STIM2: variants seen among roughly 807,000 people sequenced by gnomAD.
The protein encoded by STIM2 is stromal interaction molecule 2.
STIM2 carries 31 observed loss-of-function variants against 85.8 expected under a neutral mutation model. The ratio of observed to expected loss-of-function variants is 0.36; its 90% CI spans 0.27 to 0.49. The LOEUF (loss-of-function observed/expected upper bound fraction) is 0.49, where lower values mean the gene tolerates loss of function less well. Ranked by LOEUF, STIM2 falls within the 20% of genes least tolerant of loss-of-function variation. The pLI is 0.98. For missense variants in STIM2, 841 were observed against 927.6 expected, an observed-to-expected ratio of 0.91 and a Z score of 1.21; for synonymous variants, 356 against 331.1, an observed-to-expected ratio of 1.08 and a Z score of -0.82.
intron 3 of STIM2, among the ~76,000 whole-genome samples, chr4:26,993,940 C>T (rs947305639): frequency 2.0e-5 from 3 of 151,864 alleles, no homozygotes; most frequent in African/African-American, 7.3e-5. Context: ...ATGTTAGAAC[C>T]TCGTAAGTTT....
intron 1 of STIM2, among the ~76,000 whole-genome samples, chr4:26,906,203 C>G (rs1419549445): frequency 2.0e-5 from 3 of 152,102 alleles, no homozygotes; most frequent in Non-Finnish European, 4.4e-5. Flanking sequence ...TATGTTCTCA[C>G]TTATAAGCGG....
chr4:26,966,054 A>G (rs992659912), intron 3 of STIM2, among the ~76,000 whole-genome samples: 2 of 152,094 alleles, frequency 1.3e-5, no homozygotes, highest in East Asian at 1.9e-4. Context: ...ATGGTTTTCT[A>G]TACACCTGAA....
At chr4:26,924,273 G>T in intron 2 of STIM2, among the ~76,000 whole-genome samples, 1 of 18,612 alleles carries the variant, frequency 5.4e-5, no homozygotes, top group Non-Finnish European at 8.1e-5. Flanking sequence ...CCACATAGTT[G>T]GAAGTAAAGC....
chr4:26,976,725 A>G (rs1475272961), intron 3 of STIM2, among the ~76,000 whole-genome samples: 1 of 151,916 alleles, frequency 6.6e-6, no homozygotes, highest in Non-Finnish European at 1.5e-5. Context: ...GATTGTTTCA[A>G]CCTGGGATGC....
intron 7 of STIM2, among the ~76,000 whole-genome samples, chr4:27,006,923 A>G (rs899807440): frequency 6.6e-6 from 1 of 152,236 alleles, no homozygotes; most frequent in African/African-American, 2.4e-5. Context: ...AACAGACAAT[A>G]ATAGGCAGAT....
intron 3 of STIM2, among the ~76,000 whole-genome samples, chr4:26,966,384 A>G (rs1382946830): frequency 1.3e-5 from 2 of 152,178 alleles, no homozygotes; most frequent in Admixed American, 6.5e-5. Flanking sequence ...TCACTATATT[A>G]TATTCTACTT....
At position 27,023,105 on chromosome 4, in the gene STIM2, G is replaced by A; in HGVS notation, c.*109G>A. 1 of 1,094,812 alleles carries A rather than the reference G, an allele frequency of 9.1e-7. No homozygotes were observed. Among genetic ancestry groups the A allele is most frequent in the East Asian group, 2.4e-5 (1 of 42,422 alleles). 67.8% of individuals were successfully genotyped at this position (1,094,812 alleles called of 1,614,324 possible). ...TTAATTTTAGGAATGTAACTCCATT[G>A]GGGCTTTCCAGGCCGGATGCCATAG... On this transcript the variant is annotated 3_prime_UTR_variant, in exon 12 of 12. Coordinates refer to ENST00000467087, the MANE Select transcript of STIM2 (RefSeq NM_020860.4).
intron 10 of STIM2, among the ~76,000 whole-genome samples, chr4:27,009,523 C>T (rs1728491537): frequency 6.6e-6 from 1 of 152,172 alleles, no homozygotes; most frequent in South Asian, 2.1e-4. Context: ...GGATTTGAAT[C>T]CTAGCTCTAC....
chr4:26,972,370 T>A (rs1726989382), intron 3 of STIM2, among the ~76,000 whole-genome samples: 1 of 152,194 alleles, frequency 6.6e-6, no homozygotes, highest in African/African-American at 2.4e-5. Context: ...TGATACTGGC[T>A]GTGGGTTTGT....
intron 1 of STIM2, among the ~76,000 whole-genome samples, chr4:26,877,663 T>C (rs967825315): frequency 2.0e-5 from 3 of 152,160 alleles, no homozygotes; most frequent in Non-Finnish European, 4.4e-5. Context: ...TATGGCTCTG[T>C]TGTTACTACC....
intron 2 of STIM2, among the ~76,000 whole-genome samples, chr4:26,935,369 G>A (rs1361614075): frequency 1.3e-5 from 2 of 152,118 alleles, no homozygotes; most frequent in Admixed American, 1.3e-4. Context: ...AATGAGATAG[G>A]CACTCTATAC....
rs191032393 is a variant in STIM2 at position 26,935,407 on chromosome 4, A to G, written c.282+15773A>G. Among the ~76,000 whole-genome samples the G allele has an allele frequency of 2.8e-3, 420 of 152,334 alleles. 1 individual carries two copies. Among genetic ancestry groups the G allele is most frequent in the African/African-American group, 9.7e-3 (405 of 41,572 alleles). ...CTTTTAGAAGCAAGATATTAAATAG[A>G]AAAAGGTTAGGGCCACCCTAATACT... On this transcript the variant is annotated intron_variant, in intron 2 of 11. Transcript: ENST00000467087.
chr4:27,022,463 G>T lies in STIM2; in HGVS notation c.1764-56G>T, dbSNP rs575499683. On this transcript the variant is annotated intron_variant, in intron 11 of 11. Transcript: ENST00000467087. ...GTTGTTTTAGTTAGAATGTCTGCTA[G>T]TACTCTTAAGAACATACTGATTTAA... is the stretch of plus-strand genomic sequence containing the variant. 60 of 1,374,554 alleles carry T rather than the reference G, an allele frequency of 4.4e-5. No individual in the cohort carries two copies. The South Asian group carries it at 6.5e-4, about 15-fold the overall frequency. 85.1% of individuals were successfully genotyped at this position (1,374,554 alleles called of 1,614,324 possible). A position where few individuals can be genotyped will look rare whatever the true frequency, so the allele number is the denominator to read the frequency against.
intron 3 of STIM2, among the ~76,000 whole-genome samples, chr4:26,978,122 A>G (rs978859810): frequency 1.1e-4 from 16 of 152,064 alleles, no homozygotes; most frequent in Non-Finnish European, 1.5e-5. Context: ...AAGTAAGGAC[A>G]ATAAATATTG....
Position 27,001,399 on chromosome 4 carries a change from G to A in STIM2, c.626-818G>A, listed in dbSNP as rs1377625094. On this transcript the variant is annotated intron_variant, in intron 5 of 11. Transcript: ENST00000467087. Reference sequence around the variant, plus strand: ...CCTCACTCTTTGTTTTAGACATAAGGCTGGGGGTTAACATCATACCAGTAA... The same window carrying A: ...CCTCACTCTTTGTTTTAGACATAAGACTGGGGGTTAACATCATACCAGTAA... Among the ~76,000 whole-genome samples, 5 of 152,210 alleles carry A rather than the reference G, an allele frequency of 3.3e-5. No individual in the cohort carries two copies. In the South Asian group the frequency reaches 1.0e-3, roughly 32 times the overall value.
At chr4:26,958,011 G>T (rs950597220) in intron 3 of STIM2, among the ~76,000 whole-genome samples, 1 of 152,054 alleles carries the variant, frequency 6.6e-6, no homozygotes, top group Non-Finnish European at 1.5e-5. Flanking sequence ...CAGCTATTAC[G>T]TGACATTATT....
At chr4:26,963,661 A>G (rs1208446991) in intron 3 of STIM2, among the ~76,000 whole-genome samples, 3 of 152,214 alleles carry the variant, frequency 2.0e-5, no homozygotes, top group Non-Finnish European at 2.9e-5. Context: ...ATTAAATACT[A>G]TATAAATGAC....
At chr4:27,002,540 T>C (rs1033085807) in intron 6 of STIM2, 146 bp downstream of exon 6, 37 of 570,422 alleles carry the variant, frequency 6.5e-5, no homozygotes, top group African/African-American at 1.4e-4. Flanking sequence ...TTTAGAAAAG[T>C]ATACTTTTAT....
intron 1 of STIM2, among the ~76,000 whole-genome samples, chr4:26,889,584 G>C (rs1723386393): frequency 6.6e-6 from 1 of 152,184 alleles, no homozygotes; most frequent in Admixed American, 6.5e-5. Context: ...CCTTTCATGA[G>C]ATAGTTGGCT....
Sources: gnomAD v4.1 joint callset for allele counts (sites outside exome capture counted in the v4.1 genomes callset) on GRCh38, gnomAD v4.1.1 for gene constraint, MANE v1.5 for transcripts, NCBI Gene and HGNC (gene_info 2026-07-23, HGNC 2026-07-21) for gene names.